CLHC1: variants seen among roughly 807,000 people sequenced by gnomAD.
The protein encoded by CLHC1 is clathrin heavy chain linker domain-containing protein 1.
CLHC1 carries 72 observed loss-of-function variants against 69.5 expected under a neutral mutation model. The observed-to-expected ratio is 1.04, with a 90% CI of 0.86 to 1.26. CLHC1 has a LOEUF of 1.26. CLHC1 is among the 50% of genes most tolerant of loss of function. CLHC1 has a pLI of 0.00. For synonymous variants in CLHC1, 223 were observed against 224.3 expected, an observed-to-expected ratio of 0.99 and a Z score of 0.05; for missense variants, 790 against 679.3, an observed-to-expected ratio of 1.16 and a Z score of -1.81.
In CLHC1 at chr2:55,217,791, C is replaced by A. The variant is rs758819160; in HGVS notation, c.365+20G>T. The A allele has an allele frequency of 1.9e-5, 28 of 1,463,772 alleles. No individual in the cohort carries two copies. The highest frequency in any genetic ancestry group is 2.5e-5 in the Non-Finnish European group (27 of 1,093,776). The allele number at this position is 1,463,772 out of a possible 1,614,324, so 90.7% of individuals were successfully genotyped here. On this transcript the variant is annotated intron_variant, in intron 4 of 12. Coordinates refer to ENST00000401408, the MANE Select transcript of CLHC1 (RefSeq NM_152385.4). ...CAAGCAACAACTACCATCTTTTGGG[C>A]TAGTTACTAAAATACTTACTTTGCT...
intron 9 of CLHC1, among the ~76,000 whole-genome samples, chr2:55,187,899 A>G (rs1193218988): frequency 1.3e-5 from 2 of 152,178 alleles, no homozygotes; most frequent in Admixed American, 6.5e-5. Context: ...TTAATTAACA[A>G]AAGATTAATA....
rs376463681 is a variant in CLHC1 at position 55,210,487 on chromosome 2, C to A, written c.500-656G>T. ...CTGGGATTACAGGTGTGAGCCACCA[C>A]ACCCAGCCTCAGGCTAGCAGTTTTA... On this transcript the variant is annotated intron_variant, in intron 5 of 12. Coordinates refer to ENST00000401408, the MANE Select transcript of CLHC1 (RefSeq NM_152385.4). 9.0e-4 allele frequency among the ~76,000 whole-genome samples: 137 copies of A among 152,200 alleles called. 2 individuals carry two copies. The Middle Eastern group carries it at 0.017, about 19-fold the overall frequency.
At chr2:55,188,963 AT>A (rs1487937393) in intron 9 of CLHC1, among the ~76,000 whole-genome samples, 39 of 152,316 alleles carry the variant, frequency 2.6e-4, no homozygotes, top group Non-Finnish European at 4.9e-4. Flanking sequence ...TAAAAGACAT[AT>A]TTTTATTTTC....
At chr2:55,180,800 A>AAATCCAGTTCTACTGTG in intron 10 of CLHC1, 88 bp from the exon 11 acceptor site, 1 of 945,358 alleles carries the variant, frequency 1.1e-6, no homozygotes, top group South Asian at 1.5e-5. Context: ...GCACAGTAGG[A>AAATCCAGTTCTACTGTG]CTGGATTTTC....
chr2:55,176,941 C>T (rs1669444975), intron 12 of CLHC1, among the ~76,000 whole-genome samples: 2 of 152,198 alleles, frequency 1.3e-5, no homozygotes, highest in Admixed American at 6.5e-5. Flanking sequence ...GGCACAGTCA[C>T]GGCTCACTGT....
rs1215236026 is a variant in CLHC1 at position 55,175,962 on chromosome 2, T to C, written c.1589A>G (p.Asn530Ser). Reference sequence around the variant, plus strand: ...CTTTTCTATGGAGCAAAAGGAATCATTTATCATAAGACTTTCTACTGCATC... The same window carrying C: ...CTTTTCTATGGAGCAAAAGGAATCACTTATCATAAGACTTTCTACTGCATC... Reference protein sequence around the residue: ...GIDAVESLMINDSFCSIEKWQ... With the variant: ...GIDAVESLMISDSFCSIEKWQ... The change falls in exon 13 of 13, where the codon AAT (asparagine) becomes AGT (serine). Residue 530 changes from asparagine to serine, a missense_variant. Asn to Ser is a conservative substitution (Grantham distance 46). Transcript: ENST00000401408. The C allele has an allele frequency of 3.7e-6, 6 of 1,613,786 alleles. No homozygotes were observed. The Admixed American group carries it at 1.0e-4, about 27-fold the overall frequency.
Position 55,190,352 on chromosome 2 carries a change from T to G in CLHC1, c.1007-8608A>C, listed in dbSNP as rs117139717. On this transcript the variant is annotated intron_variant, in intron 9 of 12. Coordinates refer to ENST00000401408, the MANE Select transcript of CLHC1 (RefSeq NM_152385.4). ...ATGAGCCACCATGCCCAGCCTAAAATTCTTAATGTCTTGCATCCAATCAAA... is the reference window on the plus strand; with the variant it reads ...ATGAGCCACCATGCCCAGCCTAAAAGTCTTAATGTCTTGCATCCAATCAAA... Among the ~76,000 whole-genome samples the G allele has an allele frequency of 1.6e-4, 25 of 152,242 alleles. No individual in the cohort carries two copies. In the East Asian group the frequency reaches 3.7e-3, roughly 22 times the overall value.
At chr2:55,232,486 A>G (rs1675512749), upstream of CLHC1, 1 of 415,990 alleles carries the variant, frequency 2.4e-6, no homozygotes, top group East Asian at 5.1e-5. Flanking sequence ...CGTTGCTTAA[A>G]CCTACAGTTT....
In CLHC1 at chr2:55,209,472, AC is replaced by A. The variant is rs1558494409; in HGVS notation, c.745del (p.Val249Ter). 6.2e-7 allele frequency: 1 copy of A among 1,612,456 alleles called. No homozygotes were observed. On this transcript the variant is annotated frameshift_variant, in exon 7 of 13. Transcript: ENST00000401408. LOFTEE classifies it high-confidence loss of function. ...QIISQALSSW[V>X]KSDMSSPFQD... Reference sequence around the variant, plus strand: ...AAATGGGCTGCTCATATCAGATTTTACCCATGAACTAAGTGCCTGTGAAATT... The same window carrying A: ...AAATGGGCTGCTCATATCAGATTTTACCATGAACTAAGTGCCTGTGAAATT...
Position 55,208,712 on chromosome 2 carries a change from T to G in CLHC1, c.815-2A>C. 1 of 1,594,916 alleles carries G rather than the reference T, an allele frequency of 6.3e-7. No homozygotes were observed. Among genetic ancestry groups the G allele is most frequent in the Non-Finnish European group, 8.6e-7 (1 of 1,162,938 alleles). On this transcript the variant is annotated splice_acceptor_variant, in intron 7 of 12. Coordinates refer to ENST00000401408, the MANE Select transcript of CLHC1 (RefSeq NM_152385.4). LOFTEE classifies it high-confidence loss of function. ...GTTCTTCAACAATGCCTTGGTCACC[T>G]GTAAATATTGAAAGTACTACTGGAA...
At chr2:55,183,316 G>A (rs1202679240) in intron 9 of CLHC1, among the ~76,000 whole-genome samples, 3 of 152,140 alleles carry the variant, frequency 2.0e-5, no homozygotes, top group African/African-American at 4.8e-5. Context: ...AAAGCTATGT[G>A]ACATGACCAA....
intron 12 of CLHC1, among the ~76,000 whole-genome samples, chr2:55,177,396 C>T (rs1558439095): frequency 6.6e-6 from 1 of 152,016 alleles, no homozygotes; most frequent in Non-Finnish European, 1.5e-5. Context: ...AAAGATACTC[C>T]CTTCATTCTA....
intron 9 of CLHC1, among the ~76,000 whole-genome samples, chr2:55,195,852 CA>C (rs1465938900): frequency 6.6e-6 from 1 of 151,974 alleles, no homozygotes; most frequent in African/African-American, 2.4e-5. Context: ...ACTACCTACA[CA>C]AAAAAGCACC....
rs555987479 is a variant in CLHC1, at chr2:55,217,467, G to A, written c.365+344C>T. ...GAGACCAGGAGGCAGAGGTTGCAGCGAGCCAAGATTGCGCCATTGCACTCC... is the reference window on the plus strand; with the variant it reads ...GAGACCAGGAGGCAGAGGTTGCAGCAAGCCAAGATTGCGCCATTGCACTCC... On this transcript the variant is annotated intron_variant, in intron 4 of 12. Transcript: ENST00000401408. Among the ~76,000 whole-genome samples, 80 of 131,034 alleles carry A rather than the reference G, an allele frequency of 6.1e-4. 2 individuals are homozygous for A. In the South Asian group the frequency reaches 0.019, roughly 30 times the overall value. 86.0% of individuals were successfully genotyped at this position (131,034 alleles called of 152,430 possible).
rs761787496 is a variant in CLHC1, at chr2:55,222,351, TG to T, written c.60del (p.Asp20GlufsTer12). ...AVLPPIICRS[D>X]KEFLESVQRY... ...CTTTGCACACTTTCCAAAAATTCCT[TG>T]TCACTTCTACAAATGATAGGTGGGA... On this transcript the variant is annotated frameshift_variant, in exon 3 of 13. Transcript: ENST00000401408. LOFTEE classifies it high-confidence loss of function. 23 of 1,613,840 alleles carry T rather than the reference TG, an allele frequency of 1.4e-5. No homozygotes were observed. Among genetic ancestry groups the T allele is most frequent in the Non-Finnish European group, 1.8e-5 (21 of 1,179,912 alleles).
chr2:55,218,207 A>T, intron 3 of CLHC1: 1 of 356,686 alleles, frequency 2.8e-6, no homozygotes, highest in Non-Finnish European at 5.0e-6. Context: ...ACAGTAGATA[A>T]TGTGGAGTTT....
intron 4 of CLHC1, 38 bp downstream of exon 4, chr2:55,217,773 C>T: frequency 7.5e-7 from 1 of 1,335,382 alleles, no homozygotes; most frequent in African/African-American, 1.5e-5. Flanking sequence ...AATCAAGCAA[C>T]AACTACCATC....
chr2:55,217,113 T>A (rs940569942), intron 4 of CLHC1, among the ~76,000 whole-genome samples: 1 of 152,088 alleles, frequency 6.6e-6, no homozygotes, highest in Non-Finnish European at 1.5e-5. Flanking sequence ...GAGGATCACT[T>A]GTACCTGGGA....
At chr2:55,220,387 T>C (rs1673993697) in intron 3 of CLHC1, among the ~76,000 whole-genome samples, 1 of 152,162 alleles carries the variant, frequency 6.6e-6, no homozygotes, top group South Asian at 2.1e-4. Context: ...TAAATTATGT[T>C]ATCAAGAAGC....
Sources: gnomAD v4.1 joint callset for allele counts (sites outside exome capture counted in the v4.1 genomes callset) on GRCh38, gnomAD v4.1.1 for gene constraint, MANE v1.5 for transcripts, NCBI Gene and HGNC (gene_info 2026-07-23, HGNC 2026-07-21) for gene names.